The following ITFG1 variants were observed in gnomAD, a reference collection of about 807,000 sequenced individuals.
The protein encoded by ITFG1 is T-cell immunomodulatory protein.
In ITFG1, 34 loss-of-function variants were observed where a neutral mutation model predicts 81.8. That is an observed-to-expected ratio of 0.42 (90% confidence interval 0.32 to 0.55). ITFG1 has a LOEUF of 0.55. Among genes scored for constraint, ITFG1 ranks in the 20% least tolerant of loss-of-function variants. The pLI, the probability that ITFG1 is intolerant of heterozygous loss-of-function variation, is 0.17. For synonymous variants in ITFG1, 285 were observed against 270.6 expected (o/e 1.05, Z -0.52); for missense variants, 672 against 755.4 (o/e 0.89, Z 1.29).
At chr16:47,348,712 C>G (rs1027764776) in intron 8 of ITFG1, among the ~76,000 whole-genome samples, 1 of 152,088 alleles carries the variant, frequency 6.6e-6, no homozygotes, top group Non-Finnish European at 1.5e-5. Flanking sequence ...ACAGAGAACA[C>G]CACAAAGATA....
chr16:47,270,786 G>A (rs186547192), intron 10 of ITFG1, among the ~76,000 whole-genome samples: 311 of 152,286 alleles, frequency 2.0e-3, no homozygotes, highest in Non-Finnish European at 3.4e-3. Context: ...ATTATGCAGC[G>A]TAAGAAAACC....
At chr16:47,348,433 T>C (rs1967893728) in intron 8 of ITFG1, among the ~76,000 whole-genome samples, 1 of 152,214 alleles carries the variant, frequency 6.6e-6, no homozygotes, top group Non-Finnish European at 1.5e-5. Flanking sequence ...CAATAGCTGA[T>C]TCCATTAACT....
intron 14 of ITFG1, among the ~76,000 whole-genome samples, chr16:47,190,578 C>T (rs2151517343): frequency 6.6e-6 from 1 of 152,274 alleles, no homozygotes; most frequent in African/African-American, 2.4e-5. Context: ...CTTAAATTGT[C>T]ACCTTCTGCT....
chr16:47,357,512 G>A (rs1366523373), intron 8 of ITFG1, among the ~76,000 whole-genome samples: 2 of 151,606 alleles, frequency 1.3e-5, no homozygotes, highest in Non-Finnish European at 2.9e-5. Context: ...CGACCCGGGA[G>A]GCTGAGGCAG....
In ITFG1 at chr16:47,162,596, T is replaced by A; in HGVS notation, c.1522A>T (p.Ser508Cys). ...LPYNVLGLGR[S>C]ANFLDHLYVG... ...TAGAGATGGTCAAGAAAATTTGCGC[T>A]CCGACCTAAACCAAGCACGTTGTAT... Residue 508 changes from serine to cysteine, a missense_variant, in exon 15 of 18, where the codon AGC (serine) becomes TGC (cysteine). Physicochemically the swap from Ser to Cys is moderately radical, Grantham distance 112. Around this residue, in one of 3 missense-constraint regions of ITFG1, gnomAD observed 560 missense variants for 625.7 expected, o/e 0.90. Coordinates refer to ENST00000320640, the MANE Select transcript of ITFG1 (RefSeq NM_030790.5). The A allele has an allele frequency of 6.2e-7, 1 of 1,612,694 alleles. No homozygotes were observed. The highest frequency in any genetic ancestry group is 8.5e-7 in the Non-Finnish European group (1 of 1,179,154).
chr16:47,257,053 T>G (rs1180869378), intron 12 of ITFG1, among the ~76,000 whole-genome samples: 1 of 152,234 alleles, frequency 6.6e-6, no homozygotes, highest in African/African-American at 2.4e-5. Context: ...ATATAACACT[T>G]AATGGCGAAA....
chr16:47,438,172 C>G (rs1457009322), intron 5 of ITFG1, among the ~76,000 whole-genome samples: 1 of 152,160 alleles, frequency 6.6e-6, no homozygotes, highest in East Asian at 1.9e-4. Context: ...AGTAGGTAAA[C>G]AAAGCGTCCT....
At chr16:47,226,441 A>G (rs1965758298) in intron 13 of ITFG1, among the ~76,000 whole-genome samples, 1 of 152,122 alleles carries the variant, frequency 6.6e-6, no homozygotes, top group Admixed American at 6.5e-5. Flanking sequence ...TTACATATGT[A>G]TACATGTGCC....
At chr16:47,436,893 T>G (rs1030480222) in intron 5 of ITFG1, among the ~76,000 whole-genome samples, 2 of 152,178 alleles carry the variant, frequency 1.3e-5, no homozygotes, top group African/African-American at 4.8e-5. Context: ...TTACAAACGT[T>G]TATCAAATAA....
At chr16:47,219,345 C>A (rs576108438) in intron 13 of ITFG1, among the ~76,000 whole-genome samples, 2 of 151,998 alleles carry the variant, frequency 1.3e-5, no homozygotes, top group African/African-American at 2.4e-5. Context: ...ACAATAATTA[C>A]GATAGAATAA....
At chr16:47,394,371 A>G (rs1276426621) in intron 6 of ITFG1, among the ~76,000 whole-genome samples, 1 of 152,192 alleles carries the variant, frequency 6.6e-6, no homozygotes, top group Non-Finnish European at 1.5e-5. Flanking sequence ...CCTCAACCTT[A>G]GCTCACTTTG....
intron 8 of ITFG1, among the ~76,000 whole-genome samples, chr16:47,347,933 T>C (rs1967883771): frequency 6.6e-6 from 1 of 152,218 alleles, no homozygotes; most frequent in Admixed American, 6.5e-5. Context: ...CCTCCACTGC[T>C]GATACCCAGG....
At chr16:47,370,228 A>G (rs1968234335) in intron 7 of ITFG1, among the ~76,000 whole-genome samples, 1 of 152,186 alleles carries the variant, frequency 6.6e-6, no homozygotes, top group South Asian at 2.1e-4. Context: ...CCTTCAAACC[A>G]AAGAAAAACT....
intron 7 of ITFG1, among the ~76,000 whole-genome samples, chr16:47,374,977 T>A (rs1481679231): frequency 6.6e-6 from 1 of 152,196 alleles, no homozygotes; most frequent in African/African-American, 2.4e-5. Context: ...AATCTGCTTA[T>A]TTTTTATCAG....
intron 14 of ITFG1, among the ~76,000 whole-genome samples, chr16:47,171,789 A>C (rs1190947236): frequency 6.6e-6 from 1 of 152,170 alleles, no homozygotes; most frequent in African/African-American, 2.4e-5. Flanking sequence ...ATCTTCCTTA[A>C]GTTAACCATT....
Position 47,408,169 on chromosome 16 carries a change from T to C in ITFG1, c.655+20635A>G, listed in dbSNP as rs191408170. Among the ~76,000 whole-genome samples, 611 of 152,340 alleles carry C rather than the reference T, an allele frequency of 4.0e-3. 5 individuals are homozygous for C. Among genetic ancestry groups the C allele is most frequent in the Non-Finnish European group, 6.8e-3 (460 of 68,026 alleles). ...TTAGTATTATTTGAGTCTGGTGATC[T>C]TGTTTTTTCGTCTTTGGTTCCTAGC... On this transcript the variant is annotated intron_variant, in intron 6 of 17. Transcript: ENST00000320640.
intron 5 of ITFG1, among the ~76,000 whole-genome samples, chr16:47,437,853 C>T (rs991222794): frequency 2.6e-5 from 4 of 152,182 alleles, no homozygotes; most frequent in African/African-American, 7.2e-5. Context: ...GTGGGTGCAG[C>T]GCACCGTGTG....
At chr16:47,403,765 C>T (rs1298056860) in intron 6 of ITFG1, among the ~76,000 whole-genome samples, 2 of 113,966 alleles carry the variant, frequency 1.8e-5, no homozygotes, top group African/African-American at 3.1e-5. Context: ...TCTTGGTACA[C>T]ACACACACAC....
At chr16:47,277,817 C>T (rs1227502855) in intron 10 of ITFG1, among the ~76,000 whole-genome samples, 1 of 152,120 alleles carries the variant, frequency 6.6e-6, no homozygotes, top group African/African-American at 2.4e-5. Flanking sequence ...GAATATGCTA[C>T]TAAATTTCTT....
Sources: gnomAD v4.1 joint callset for allele counts (sites outside exome capture counted in the v4.1 genomes callset) on GRCh38, gnomAD v4.1.1 for gene constraint, gnomAD v4.1.1 regional missense constraint, MANE v1.5 for transcripts, NCBI Gene and HGNC (gene_info 2026-07-23, HGNC 2026-07-21) for gene names.